Variants in MON1B observed in about 807,000 individuals in gnomAD.
MON1B encodes the protein vacuolar fusion protein MON1 homolog B.
A neutral mutation model predicts 45.1 loss-of-function variants in MON1B; 26 were observed. The ratio of observed to expected loss-of-function variants is 0.58; its 90% CI spans 0.42 to 0.80. The LOEUF (loss-of-function observed/expected upper bound fraction) is 0.80, where lower values mean the gene tolerates loss of function less well. MON1B is among the 30% of genes least tolerant of loss of function. The pLI is 0.00. For missense variants in MON1B, 737 were observed against 754.5 expected (o/e 0.98, Z 0.27); for synonymous variants, 395 against 320.2 (o/e 1.23, Z -2.49).
chr16:77,201,857 A>C lies in MON1B; in HGVS notation c.*3549A>C, dbSNP rs1418755057. 6.6e-6 allele frequency: 1 copy of C among 152,292 alleles called. No homozygotes were observed. The highest frequency in any genetic ancestry group is 1.9e-4 in the East Asian group (1 of 5,180). 9.4% of individuals were successfully genotyped at this position (152,292 alleles called of 1,614,324 possible). ...TTGATAGGATTATTATTGACACACAAGGAGCTCCAAAAGAGATCGTATTTT... is the reference window on the plus strand; with the variant it reads ...TTGATAGGATTATTATTGACACACACGGAGCTCCAAAAGAGATCGTATTTT... On this transcript the variant is annotated 3_prime_UTR_variant, in exon 6 of 6. Coordinates refer to ENST00000248248, the MANE Select transcript of MON1B (RefSeq NM_014940.4).
Position 77,198,090 on chromosome 16 carries a change from C to T in MON1B, c.1444-18C>T, listed in dbSNP as rs776095995. 6.2e-7 allele frequency: 1 copy of T among 1,612,424 alleles called. No homozygotes were observed. Among genetic ancestry groups the T allele is most frequent in the Admixed American group, 1.7e-5 (1 of 60,014 alleles). Reference sequence around the variant, plus strand: ...CCAGCTCTGGCCCATCTGACTCTGTCTCCTCCGAAACCCCCAGGTGACCTC... The same window carrying T: ...CCAGCTCTGGCCCATCTGACTCTGTTTCCTCCGAAACCCCCAGGTGACCTC... On this transcript the variant is annotated intron_variant, in intron 5 of 5. Coordinates refer to ENST00000248248, the MANE Select transcript of MON1B (RefSeq NM_014940.4).
Position 77,195,595 on chromosome 16 carries a change from C to A in MON1B, c.1356C>A (p.Tyr452Ter). ...EEERQRLSDL[Y>*]HRLHARLHST... ...AGCGGCAGCGGCTGTCGGACCTGTACCACCGCCTGCATGCTCGTCTCCACA... is the reference window on the plus strand; with the variant it reads ...AGCGGCAGCGGCTGTCGGACCTGTAACACCGCCTGCATGCTCGTCTCCACA... Residue 452 changes from tyrosine to a stop codon, truncating the protein, a stop_gained, in exon 5 of 6, where the codon TAC becomes TAA. Coordinates refer to ENST00000248248, the MANE Select transcript of MON1B (RefSeq NM_014940.4). LOFTEE classifies it high-confidence loss of function. 1 of 1,614,142 alleles carries A rather than the reference C, an allele frequency of 6.2e-7. No individual in the cohort carries two copies. The highest frequency in any genetic ancestry group is 2.2e-5 in the East Asian group (1 of 44,860).
chr16:77,192,250 T>A (rs2054622152), intron 2 of MON1B, among the ~76,000 whole-genome samples: 1 of 152,158 alleles, frequency 6.6e-6, no homozygotes, highest in African/African-American at 2.4e-5. Flanking sequence ...TGGACCTCAC[T>A]GAGAATAAAT....
In MON1B at chr16:77,193,482, A is replaced by G; in HGVS notation, c.180A>G (p.Pro60=). ...GSKDKDQPPS[P]SPPPQSEALS... ...AGGACAAGGACCAGCCACCCAGCCC[A>G]TCACCACCGCCCCAGTCAGAGGCCC... The change falls in exon 3 of 6, where the codon CCA becomes CCG. Residue 60 remains proline (P), a synonymous_variant. Transcript: ENST00000248248. The surrounding 1 kb of genome is among the most constrained non-coding windows in gnomAD (Gnocchi z 5.0). 6.3e-7 allele frequency: 1 copy of G among 1,581,418 alleles called. No individual in the cohort carries two copies. Among genetic ancestry groups the G allele is most frequent in the African/African-American group, 1.3e-5 (1 of 74,266 alleles).
Position 77,193,540 on chromosome 16 carries a change from G to C in MON1B, c.238G>C (p.Ala80Pro). Residue 80 changes from alanine (A) to proline (P), a missense_variant, in exon 3 of 6, where the codon GCC becomes CCC. By Grantham distance (27) the Ala-to-Pro change is conservative. Coordinates refer to ENST00000248248, the MANE Select transcript of MON1B (RefSeq NM_014940.4). The surrounding 1 kb of genome is among the most constrained non-coding windows in gnomAD (Gnocchi z 5.0). ...SSTSRLWSPA[A>P]PENSPTCSPE... is the part of the protein sequence containing the mutation. ...CACCTCTCGGCTCTGGAGTCCTGCA[G>C]CCCCTGAGAATAGTCCCACATGTAG... The C allele has an allele frequency of 1.9e-6, 3 of 1,613,818 alleles. No homozygotes were observed. Among genetic ancestry groups the C allele is most frequent in the Non-Finnish European group, 2.5e-6 (3 of 1,179,788 alleles).
Position 77,195,052 on chromosome 16 carries a change from C to T in MON1B, c.1193C>T (p.Pro398Leu). The T allele has an allele frequency of 1.2e-6, 2 of 1,610,628 alleles. No homozygotes were observed. Among genetic ancestry groups the T allele is most frequent in the Non-Finnish European group, 1.7e-6 (2 of 1,179,914 alleles). Residue 398 changes from proline (P) to leucine (L), a missense_variant, in exon 4 of 6, where the codon CCT becomes CTT. Pro to Leu is a moderately conservative substitution (Grantham distance 98). Coordinates refer to ENST00000248248, the MANE Select transcript of MON1B (RefSeq NM_014940.4). ...SFSNASSASA[P>L]AYSVQAVGAP... Reference sequence around the variant, plus strand: ...TCTAATGCCTCATCAGCCAGTGCTCCTGCCTACAGCGTGCAGGCTGTCGGG... The same window carrying T: ...TCTAATGCCTCATCAGCCAGTGCTCTTGCCTACAGCGTGCAGGCTGTCGGG...
intron 2 of MON1B, 99 bp downstream of exon 2, chr16:77,191,732 C>A: frequency 2.1e-6 from 3 of 1,395,546 alleles, no homozygotes; most frequent in Non-Finnish European, 2.9e-6. Context: ...AGTCTTGGGA[C>A]TTAAGAGAAG....
rs987356702 is a variant in MON1B at position 77,194,394 on chromosome 16, A to G, written c.535A>G (p.Thr179Ala). The change falls in exon 4 of 6, where the codon ACT becomes GCT. Residue 179 changes from threonine to alanine, a missense_variant. By Grantham distance (58) the Thr-to-Ala change is moderately conservative. Transcript: ENST00000248248. This position sits in a 1 kb window ranked among gnomAD's most constrained non-coding sequence, Gnocchi z 8.1. The stretch of plus-strand genomic sequence containing the variant: ...ACTGTTGCTCGTGGCCATGTCACGG[A>G]CTTCTCAGTCAGCAGCCCAGCTGCG... ...GPLLLVAMSR[T>A]SQSAAQLRGE... 6.2e-6 allele frequency: 10 copies of G among 1,612,694 alleles called. No homozygotes were observed. In the Admixed American group the frequency reaches 1.0e-4, roughly 16 times the overall value.
At position 77,191,609 on chromosome 16, in the gene MON1B, G is replaced by A. The variant is rs781018516; in HGVS notation, c.124G>A (p.Glu42Lys). 1.6e-5 allele frequency: 25 copies of A among 1,611,040 alleles called. No individual in the cohort carries two copies. Among genetic ancestry groups the A allele is most frequent in the Non-Finnish European group, 2.1e-5 (25 of 1,179,232 alleles). The change falls in exon 2 of 6, where the codon GAA (glutamate) becomes AAA (lysine). Residue 42 changes from glutamate (E) to lysine (K), a missense_variant. Transcript: ENST00000248248. ...GGTTCACGCGGTCCCGCCGGATCCC[G>A]AAGACGAGGGCCTGGAGGAAACAGG... is the stretch of plus-strand genomic sequence containing the variant. The part of the protein sequence containing the change: ...GGVHAVPPDP[E>K]DEGLEETGSK...
Position 77,198,322 on chromosome 16 carries a change from C to T in MON1B, c.*14C>T. On this transcript the variant is annotated 3_prime_UTR_variant, in exon 6 of 6. Transcript: ENST00000248248. Reference sequence around the variant, plus strand: ...ACTGGACTCTGATAGTTGGAGCTCCCAGACCAGGCAGTGCTGGGAGCAACC... The same window carrying T: ...ACTGGACTCTGATAGTTGGAGCTCCTAGACCAGGCAGTGCTGGGAGCAACC... The T allele has an allele frequency of 6.2e-7, 1 of 1,611,334 alleles. No homozygotes were observed. The highest frequency in any genetic ancestry group is 8.5e-7 in the Non-Finnish European group (1 of 1,177,464).
chr16:77,194,455 G>T lies in MON1B; in HGVS notation c.596G>T (p.Ser199Ile). 1 of 1,614,064 alleles carries T rather than the reference G, an allele frequency of 6.2e-7. No individual in the cohort carries two copies. Among genetic ancestry groups the T allele is most frequent in the Non-Finnish European group, 8.5e-7 (1 of 1,180,004 alleles). ...ELLAVHAQIVSTLTRASVARI... is the reference protein window; with the variant it reads ...ELLAVHAQIVITLTRASVARI... ...CTAGCTGTGCACGCACAGATCGTGA[G>T]CACACTTACACGTGCAAGTGTCGCC... Residue 199 changes from serine (S) to isoleucine (I), a missense_variant, in exon 4 of 6, where the codon AGC (serine) becomes ATC (isoleucine). Transcript: ENST00000248248. The surrounding 1 kb of genome is among the most constrained non-coding windows in gnomAD (Gnocchi z 8.1).
In MON1B at chr16:77,199,575, C is replaced by T; in HGVS notation, c.*1267C>T. ...ACCAGGGCAGAAAGGAGGGAGGATT[C>T]GTCCCATTACAATAATGAAATAATG... On this transcript the variant is annotated 3_prime_UTR_variant, in exon 6 of 6. Coordinates refer to ENST00000248248, the MANE Select transcript of MON1B (RefSeq NM_014940.4). The T allele has an allele frequency of 1.6e-6, 2 of 1,223,636 alleles. No individual in the cohort carries two copies. Among genetic ancestry groups the T allele is most frequent in the East Asian group, 2.5e-5 (1 of 39,246 alleles). The allele number at this position is 1,223,636 out of a possible 1,614,324, so 75.8% of individuals were successfully genotyped here.
chr16:77,194,489 C>T lies in MON1B; in HGVS notation c.630C>T (p.Phe210=), dbSNP rs553984776. The part of the protein sequence containing the change: ...TLTRASVARI[F]AHKQNYDLRR... ...CACGTGCAAGTGTCGCCCGCATCTT[C>T]GCACACAAGCAGAACTATGACCTCC... is the stretch of plus-strand genomic sequence containing the variant. The change falls in exon 4 of 6, where the codon TTC becomes TTT. Residue 210 remains phenylalanine (F), a synonymous_variant. Coordinates refer to ENST00000248248, the MANE Select transcript of MON1B (RefSeq NM_014940.4). The surrounding 1 kb of genome is among the most constrained non-coding windows in gnomAD (Gnocchi z 8.1). 12 of 1,614,096 alleles carry T rather than the reference C, an allele frequency of 7.4e-6. No individual in the cohort carries two copies. The East Asian group carries it at 8.9e-5, about 12-fold the overall frequency.
intron 5 of MON1B, among the ~76,000 whole-genome samples, chr16:77,196,483 G>A (rs923605478): frequency 6.6e-6 from 1 of 152,178 alleles, no homozygotes. Flanking sequence ...TTACTATAAA[G>A]AGTAACATGG....
Position 77,199,430 on chromosome 16 carries a change from C to T in MON1B, c.*1122C>T, listed in dbSNP as rs966668005. ...TTAACCAGTCATCAAGCGAGGCTCG[C>T]GCGCAGGCCCCGCGTTGGAAAATGG... is the stretch of plus-strand genomic sequence containing the variant. On this transcript the variant is annotated 3_prime_UTR_variant, in exon 6 of 6. Coordinates refer to ENST00000248248, the MANE Select transcript of MON1B (RefSeq NM_014940.4). 2.3e-5 allele frequency: 35 copies of T among 1,551,166 alleles called. No individual in the cohort carries two copies. In the East Asian group the frequency reaches 5.6e-4, roughly 25 times the overall value.
chr16:77,191,500 A>G lies in MON1B; in HGVS notation c.15A>G (p.Gly5=), dbSNP rs1453794700. The G allele has an allele frequency of 1.2e-6, 2 of 1,604,078 alleles. No individual in the cohort carries two copies. The highest frequency in any genetic ancestry group is 2.7e-5 in the African/African-American group (2 of 74,070). The change falls in exon 2 of 6, where the codon GGA becomes GGG. Residue 5 remains glycine, a synonymous_variant. Coordinates refer to ENST00000248248, the MANE Select transcript of MON1B (RefSeq NM_014940.4). MEVG[G]DTAAPAPGGA... ...GGGATGTGCAGATGGAGGTCGGAGG[A>G]GACACTGCTGCCCCGGCCCCCGGGG...
rs748557982 is a variant in MON1B at position 77,195,671 on chromosome 16, C to T, written c.1432C>T (p.Leu478=). ...TTACCACGTGGCTGAGAAGGAGACACTACTGGCCTGGGTAAGTTGGGCAGG... is the reference window on the plus strand; with the variant it reads ...TTACCACGTGGCTGAGAAGGAGACATTACTGGCCTGGGTAAGTTGGGCAGG... ...LIYHVAEKET[L]LAWVTSKFEL... Residue 478 remains leucine, a synonymous_variant, in exon 5 of 6, where the codon CTA becomes TTA. Coordinates refer to ENST00000248248, the MANE Select transcript of MON1B (RefSeq NM_014940.4). 2.5e-6 allele frequency: 4 copies of T among 1,614,184 alleles called. No individual in the cohort carries two copies. Among genetic ancestry groups the T allele is most frequent in the Admixed American group, 1.7e-5 (1 of 60,020 alleles).
In MON1B at chr16:77,199,359, C is replaced by A; in HGVS notation, c.*1051C>A. The A allele has an allele frequency of 1.5e-6, 2 of 1,298,566 alleles. No individual in the cohort carries two copies. The highest frequency in any genetic ancestry group is 2.1e-5 in the Admixed American group (1 of 47,534). 80.4% of individuals were successfully genotyped at this position (1,298,566 alleles called of 1,614,324 possible). A position where few individuals can be genotyped will look rare whatever the true frequency, so the allele number is the denominator to read the frequency against. ...TAACCGCTGGCGTAACCGCGGGTTG[C>A]ACGCATGCGTGCTGAAAAGCCTTTC... On this transcript the variant is annotated 3_prime_UTR_variant, in exon 6 of 6. Transcript: ENST00000248248.
Position 77,194,164 on chromosome 16 carries a change from A to G in MON1B, c.476-171A>G. 1.4e-6 allele frequency: 1 copy of G among 706,442 alleles called. No homozygotes were observed. The highest frequency in any genetic ancestry group is 2.1e-5 in the Admixed American group (1 of 48,406). The allele number at this position is 706,442 out of a possible 1,614,324, so 43.8% of individuals were successfully genotyped here. A position where few individuals can be genotyped will look rare whatever the true frequency, so the allele number is the denominator to read the frequency against. ...TGTCCATCCCATCATGTCTCTGCAA[A>G]TGTCCAGATTCCTCCAGCTTGTCCT... On this transcript the variant is annotated intron_variant, in intron 3 of 5. Transcript: ENST00000248248. The surrounding 1 kb of genome is among the most constrained non-coding windows in gnomAD (Gnocchi z 8.1).
Sources: gnomAD v4.1 joint callset for allele counts (sites outside exome capture counted in the v4.1 genomes callset) on GRCh38, gnomAD v4.1.1 for gene constraint, Gnocchi (gnomAD v3.1) non-coding constraint, MANE v1.5 for transcripts, NCBI Gene and HGNC (gene_info 2026-07-23, HGNC 2026-07-21) for gene names.